Variants in PLXNA2 observed in about 807,000 individuals in gnomAD.
PLXNA2 encodes the protein plexin A2.
In PLXNA2, 91 loss-of-function variants were observed where a neutral mutation model predicts 193.5. The ratio of observed to expected loss-of-function variants is 0.47; its 90% CI spans 0.40 to 0.56. The LOEUF is 0.56. Among genes scored for constraint, PLXNA2 ranks in the 20% least tolerant of loss-of-function variants. The pLI is 0.00. For synonymous variants in PLXNA2, 997 were observed against 1,027.3 expected, an observed-to-expected ratio of 0.97 and a Z score of 0.56; for missense variants, 1,995 against 2,503.2, an observed-to-expected ratio of 0.80 and a Z score of 4.33.
At chr1:208,153,689 G>A (rs1668843662) in intron 3 of PLXNA2, among the ~76,000 whole-genome samples, 1 of 152,216 alleles carries the variant, frequency 6.6e-6, no homozygotes. Context: ...CGAAGATGAG[G>A]TCAGAGTTGG....
chr1:208,154,944 A>AT (rs1322213461), intron 3 of PLXNA2, among the ~76,000 whole-genome samples: 1 of 152,176 alleles, frequency 6.6e-6, no homozygotes, highest in Non-Finnish European at 1.5e-5. Flanking sequence ...TGAAAGAGGG[A>AT]TTTTGGATTG....
chr1:208,191,264 A>T (rs1182689135), intron 3 of PLXNA2, among the ~76,000 whole-genome samples: 1 of 152,158 alleles, frequency 6.6e-6, no homozygotes, highest in African/African-American at 2.4e-5. Context: ...TCACATCAAG[A>T]AGGTGCCTCA....
rs1536471 is a variant in PLXNA2, at chr1:208,045,819, A to T, written c.3495+59T>A. On this transcript the variant is annotated intron_variant, in intron 18 of 31. Transcript: ENST00000367033. ...AAGAAAGAAAGTCAGGCCAGGAGCG[A>T]GGGGCGCCCTCTGGCATTGCTGCCC... 38 of 1,599,448 alleles carry T rather than the reference A, an allele frequency of 2.4e-5. 1 individual carries two copies. Among genetic ancestry groups the T allele is most frequent in the African/African-American group, 1.3e-4 (10 of 74,592 alleles).
At chr1:208,081,895 C>T (rs537523913) in intron 11 of PLXNA2, among the ~76,000 whole-genome samples, 4 of 152,254 alleles carry the variant, frequency 2.6e-5, no homozygotes, top group African/African-American at 9.6e-5. Flanking sequence ...GGGTCACCCT[C>T]ATGGAGCACC....
chr1:208,144,317 T>C (rs1469154084), intron 3 of PLXNA2, among the ~76,000 whole-genome samples: 1 of 151,796 alleles, frequency 6.6e-6, no homozygotes, highest in Non-Finnish European at 1.5e-5. Context: ...CACTATTGAT[T>C]GCAGAGCTAG....
intron 3 of PLXNA2, among the ~76,000 whole-genome samples, chr1:208,199,812 A>T (rs1670483432): frequency 6.6e-6 from 1 of 152,198 alleles, no homozygotes. Flanking sequence ...GTTTCAGCAG[A>T]TCACTCCACC....
intron 8 of PLXNA2, among the ~76,000 whole-genome samples, chr1:208,095,346 G>A (rs1185551282): frequency 1.3e-5 from 2 of 152,168 alleles, no homozygotes; most frequent in Non-Finnish European, 1.5e-5. Context: ...TCACACAGTT[G>A]TGGGGTCTCA....
intron 3 of PLXNA2, among the ~76,000 whole-genome samples, chr1:208,172,222 A>G (rs988998412): frequency 1.3e-5 from 2 of 151,612 alleles, no homozygotes; most frequent in African/African-American, 2.4e-5. Context: ...CTATGTGAAA[A>G]CCACTGTTTG....
At position 208,092,901 on chromosome 1, in the gene PLXNA2, C is replaced by G; in HGVS notation, c.1983-1G>C. ...GGCGCTGTTGACACAGGACAGGCAC[C>G]TGCAAGGACAGAGATGGTGAGAGGC... On this transcript the variant is annotated splice_acceptor_variant, in intron 8 of 31. Transcript: ENST00000367033. LOFTEE classifies it high-confidence loss of function. 1 of 1,608,844 alleles carries G rather than the reference C, an allele frequency of 6.2e-7. No individual in the cohort carries two copies. Among genetic ancestry groups the G allele is most frequent in the Non-Finnish European group, 8.5e-7 (1 of 1,175,470 alleles).
chr1:208,094,170 G>T (rs1351743476), intron 8 of PLXNA2, among the ~76,000 whole-genome samples: 1 of 152,180 alleles, frequency 6.6e-6, no homozygotes, highest in Non-Finnish European at 1.5e-5. Context: ...TTATGATTCA[G>T]CAAGTAAATA....
At chr1:208,101,753 G>A (rs975625565) in intron 5 of PLXNA2, among the ~76,000 whole-genome samples, 4 of 152,196 alleles carry the variant, frequency 2.6e-5, no homozygotes, top group Non-Finnish European at 5.9e-5. Flanking sequence ...TTCGACATGG[G>A]AGAAGTGCCA....
At chr1:208,134,696 A>G (rs1668252151) in intron 4 of PLXNA2, among the ~76,000 whole-genome samples, 1 of 152,114 alleles carries the variant, frequency 6.6e-6, no homozygotes, top group African/African-American at 2.4e-5. Flanking sequence ...GTCTCCTGTT[A>G]CTGAGTCCTT....
At chr1:208,120,737 C>A (rs1667782875) in intron 4 of PLXNA2, among the ~76,000 whole-genome samples, 1 of 152,162 alleles carries the variant, frequency 6.6e-6, no homozygotes, top group Admixed American at 6.5e-5. Context: ...TGGTGGGTCT[C>A]CCAGAGTTCT....
At chr1:208,148,235 T>C (rs535491033) in intron 3 of PLXNA2, among the ~76,000 whole-genome samples, 3 of 152,312 alleles carry the variant, frequency 2.0e-5, no homozygotes, top group South Asian at 2.1e-4. Flanking sequence ...GGTACTCTAA[T>C]ATCACATTAT....
At position 208,084,488 on chromosome 1, in the gene PLXNA2, C is replaced by T. The variant is rs369695205; in HGVS notation, c.2190G>A (p.Pro730=). 39 of 1,614,260 alleles carry T rather than the reference C, an allele frequency of 2.4e-5. No individual in the cohort carries two copies. Among genetic ancestry groups the T allele is most frequent in the African/African-American group, 2.1e-4 (16 of 75,070 alleles). Residue 730 remains proline (P), a synonymous_variant, in exon 10 of 32, where the codon CCG becomes CCA. Transcript: ENST00000367033. ...ACTCATAGCCTCGCTGGCCGGACTG[C>T]GGCTGGGGCAGATTTCGCGCCTTAA... is the stretch of plus-strand genomic sequence containing the variant. The part of the protein sequence containing the change: ...ITLKARNLPQ[P]QSGQRGYECV...
rs768569802 is a variant in PLXNA2, at chr1:208,028,147, G to A, written c.5451C>T (p.Asp1817=). 8 of 1,612,216 alleles carry A rather than the reference G, an allele frequency of 5.0e-6. No individual in the cohort carries two copies. The highest frequency in any genetic ancestry group is 1.7e-5 in the Admixed American group (1 of 59,752). Residue 1817 remains aspartate (D), a synonymous_variant, in exon 31 of 32, where the codon GAC becomes GAT. Transcript: ENST00000367033. This position sits in a 1 kb window ranked among gnomAD's most constrained non-coding sequence, Gnocchi z 4.2. ...YKSWVERYYA[D]IAKLPAISDQ... is the part of the protein sequence containing the mutation. ...CACTGATGGCTGGGAGCTTGGCGAT[G>A]TCTGCGTAGTATCTGCCAGAGACAG...
chr1:208,149,547 T>G (rs952778439), intron 3 of PLXNA2, among the ~76,000 whole-genome samples: 1 of 151,646 alleles, frequency 6.6e-6, no homozygotes, highest in African/African-American at 2.4e-5. Context: ...AGTATGTGTG[T>G]ATAAGTGTGG....
At chr1:208,233,472 G>A (rs1671754615) in intron 1 of PLXNA2, among the ~76,000 whole-genome samples, 1 of 152,204 alleles carries the variant, frequency 6.6e-6, no homozygotes, top group Admixed American at 6.5e-5. Flanking sequence ...CACAGTTGGT[G>A]GAAAATTTGG....
At chr1:208,145,189 TG>T (rs1042111261) in intron 3 of PLXNA2, among the ~76,000 whole-genome samples, 4 of 152,202 alleles carry the variant, frequency 2.6e-5, no homozygotes, top group Admixed American at 2.6e-4. Flanking sequence ...CTCCATAAAA[TG>T]GGGATTTCAG....
Sources: allele counts gnomAD v4.1 joint callset (sites outside exome capture counted in the v4.1 genomes callset), GRCh38; gene constraint gnomAD v4.1.1; non-coding constraint Gnocchi (gnomAD v3.1); transcripts MANE v1.5; gene names NCBI Gene and HGNC (gene_info 2026-07-23, HGNC 2026-07-21).